SESN3: variants seen among roughly 807,000 people sequenced by gnomAD.
SESN3 encodes the protein sestrin 3, also known as sestrin-3.
SESN3 carries 21 observed loss-of-function variants against 55.3 expected under a neutral mutation model. The ratio of observed to expected loss-of-function variants is 0.38; its 90% CI spans 0.27 to 0.55. The LOEUF (loss-of-function observed/expected upper bound fraction) is 0.55, where lower values mean the gene tolerates loss of function less well. SESN3 is among the 20% of genes least tolerant of loss of function. SESN3 has a pLI of 0.76. For synonymous variants in SESN3, 181 were observed against 203.1 expected (o/e 0.89, Z 0.93); for missense variants, 408 against 604.3 (o/e 0.68, Z 3.41).
chr11:95,179,273 G>A (rs976253012), intron 6 of SESN3, among the ~76,000 whole-genome samples: 1 of 151,972 alleles, frequency 6.6e-6, no homozygotes, highest in Non-Finnish European at 1.5e-5. Flanking sequence ...TTCTGCCTCA[G>A]CCTCCCGAGT....
rs1160437041 is a variant in SESN3, at chr11:95,216,772, C to A, written c.78+14011G>T. On this transcript the variant is annotated intron_variant, in intron 1 of 9. Coordinates refer to ENST00000536441, the MANE Select transcript of SESN3 (RefSeq NM_144665.4). The stretch of plus-strand genomic sequence containing the variant: ...AAGGAGGCAAGATAAAAAAAAAAAA[C>A]CACACAGATGTCTTGTAGTTTAAAA... Among the ~76,000 whole-genome samples, 9 of 150,708 alleles carry A rather than the reference C, an allele frequency of 6.0e-5. No individual in the cohort carries two copies. In the South Asian group the frequency reaches 6.3e-4, roughly 11 times the overall value.
At chr11:95,216,706 G>T (rs1397654390) in intron 1 of SESN3, among the ~76,000 whole-genome samples, 1 of 151,322 alleles carries the variant, frequency 6.6e-6, no homozygotes, top group Admixed American at 6.6e-5. Flanking sequence ...ATTAGTAAAG[G>T]AAGTAAGATA....
chr11:95,210,931 TAAA>T (rs955315100), intron 1 of SESN3, among the ~76,000 whole-genome samples: 46 of 151,586 alleles, frequency 3.0e-4, no homozygotes, highest in African/African-American at 1.1e-3. Flanking sequence ...TTGGCCAGAC[TAAA>T]AAAAAGGAAA....
intron 1 of SESN3, chr11:95,200,821 C>T (rs918472613): frequency 2.0e-5 from 3 of 152,044 alleles, no homozygotes; most frequent in Non-Finnish European, 4.4e-5. Context: ...TTCAACAATA[C>T]ATATGAAATT....
chr11:95,180,088 C>T (rs994324158), intron 6 of SESN3, among the ~76,000 whole-genome samples: 2 of 151,972 alleles, frequency 1.3e-5, no homozygotes, highest in Non-Finnish European at 2.9e-5. Context: ...AGAAAATGAA[C>T]ATATATTTCT....
intron 4 of SESN3, among the ~76,000 whole-genome samples, chr11:95,189,342 C>G (rs1278981405): frequency 6.6e-6 from 1 of 151,918 alleles, no homozygotes; most frequent in Admixed American, 6.6e-5. Flanking sequence ...TTTGCAAAAT[C>G]ATTTTTTGAG....
Position 95,197,868 on chromosome 11 carries a change from C to T in SESN3, c.79-4346G>A, listed in dbSNP as rs117960363. Reference sequence around the variant, plus strand: ...CTGAATCTTTTTTATCTAGAGAACTCGCTAGCTCTTCTCCGCCCTCCAGTC... The same window carrying T: ...CTGAATCTTTTTTATCTAGAGAACTTGCTAGCTCTTCTCCGCCCTCCAGTC... On this transcript the variant is annotated intron_variant, in intron 1 of 9. Coordinates refer to ENST00000536441, the MANE Select transcript of SESN3 (RefSeq NM_144665.4). Among the ~76,000 whole-genome samples the T allele has an allele frequency of 3.2e-3, 484 of 152,166 alleles. 5 individuals carry two copies. The highest frequency in any genetic ancestry group is 0.03 in the East Asian group (156 of 5,174).
rs1195509899 is a variant in SESN3, at chr11:95,177,871, G to A, written c.1095C>T (p.Asn365=). The A allele has an allele frequency of 6.3e-7, 1 of 1,599,628 alleles. No homozygotes were observed. The highest frequency in any genetic ancestry group is 1.4e-5 in the African/African-American group (1 of 73,620). ...GATGTCCAATGTCAGAATAAAGTCT[G>A]TTCACCAGGGAGAACCCATGATTTT... ...TWENHGFSLV[N]RLYSDIGHLL... Residue 365 remains asparagine, a synonymous_variant, in exon 8 of 10, where the codon AAC becomes AAT. Transcript: ENST00000536441.
chr11:95,172,527 C>A lies in SESN3; in HGVS notation c.*728G>T, dbSNP rs949695269. ...ATCTGATATGGAAAACTGAAACTTC[C>A]ATTTTAGAAGAGAAAGAAAATAGCT... On this transcript the variant is annotated 3_prime_UTR_variant, in exon 10 of 10. Transcript: ENST00000536441. The A allele has an allele frequency of 3.9e-5, 6 of 152,108 alleles. No homozygotes were observed. The highest frequency in any genetic ancestry group is 1.4e-4 in the African/African-American group (6 of 41,400). The allele number at this position is 152,108 out of a possible 1,614,324, so 9.4% of individuals were successfully genotyped here.
At chr11:95,206,422 A>G (rs1860548578) in intron 1 of SESN3, among the ~76,000 whole-genome samples, 1 of 151,806 alleles carries the variant, frequency 6.6e-6, no homozygotes, top group South Asian at 2.1e-4. Flanking sequence ...ATAATTTAAT[A>G]GAGTTACTTC....
In SESN3 at chr11:95,230,232, A is replaced by G. The variant is rs1397357852; in HGVS notation, c.78+551T>C. ...CAAGATGCTTTACTGGTTCCTTTCG[A>G]GACTGAACTACAGACACAGGACTAC... On this transcript the variant is annotated intron_variant, in intron 1 of 9. Coordinates refer to ENST00000536441, the MANE Select transcript of SESN3 (RefSeq NM_144665.4). The surrounding 1 kb of genome is among the most constrained non-coding windows in gnomAD (Gnocchi z 4.6). 6.5e-6 allele frequency: 1 copy of G among 152,834 alleles called. No homozygotes were observed. Among genetic ancestry groups the G allele is most frequent in the Non-Finnish European group, 1.5e-5 (1 of 68,388 alleles). 9.5% of individuals were successfully genotyped at this position (152,834 alleles called of 1,614,324 possible).
intron 5 of SESN3, 121 bp from the exon 6 acceptor site, chr11:95,184,715 A>G (rs1194973962): frequency 3.5e-6 from 3 of 860,270 alleles, no homozygotes; most frequent in Admixed American, 5.6e-5. Context: ...GAAGTTCTTA[A>G]GTCGGTTTTT....
upstream of SESN3, chr11:95,231,932 C>CTCTG (rs1491295802): frequency 6.6e-6 from 1 of 152,076 alleles, no homozygotes; most frequent in Non-Finnish European, 1.5e-5. Flanking sequence ...GACACAAAAC[C>CTCTG]TCTGGTTTAG....
chr11:95,185,164 CCTAT>C (rs1329653260), intron 5 of SESN3, 88 bp downstream of exon 5: 3 of 719,472 alleles, frequency 4.2e-6, no homozygotes, highest in Non-Finnish European at 7.1e-6. Flanking sequence ...TATATAATAT[CCTAT>C]CTAATTGGAG....
intron 1 of SESN3, among the ~76,000 whole-genome samples, chr11:95,196,569 C>A (rs1290112971): frequency 6.6e-6 from 1 of 152,090 alleles, no homozygotes; most frequent in Non-Finnish European, 1.5e-5. Flanking sequence ...TCCTACTTCA[C>A]TCATACTAAC....
chr11:95,225,822 C>T (rs1263401264), intron 1 of SESN3, among the ~76,000 whole-genome samples: 1 of 152,044 alleles, frequency 6.6e-6, no homozygotes, highest in African/African-American at 2.4e-5. Flanking sequence ...AAAATTTTTG[C>T]TTTACCCTAG....
chr11:95,204,879 T>C (rs1860520571), intron 1 of SESN3: 1 of 152,126 alleles, frequency 6.6e-6, no homozygotes, highest in Non-Finnish European at 1.5e-5. Flanking sequence ...CAAAGATAAA[T>C]GAAGCACAAG....
chr11:95,213,385 C>T (rs776550380), intron 1 of SESN3, among the ~76,000 whole-genome samples: 21 of 152,130 alleles, frequency 1.4e-4, no homozygotes, highest in Non-Finnish European at 2.4e-4. Flanking sequence ...AAGGGGCAAA[C>T]AACTTTACAA....
At chr11:95,190,702 A>C (rs1169573650) in intron 3 of SESN3, among the ~76,000 whole-genome samples, 1 of 151,968 alleles carries the variant, frequency 6.6e-6, no homozygotes, top group Non-Finnish European at 1.5e-5. Flanking sequence ...GACTATAAAA[A>C]AGACAATCAA....
Sources: gnomAD v4.1 joint callset for allele counts (sites outside exome capture counted in the v4.1 genomes callset) on GRCh38, gnomAD v4.1.1 for gene constraint, Gnocchi (gnomAD v3.1) non-coding constraint, MANE v1.5 for transcripts, NCBI Gene and HGNC (gene_info 2026-07-23, HGNC 2026-07-21) for gene names.